Variants in CFAP95 observed in about 807,000 individuals in gnomAD.
The protein encoded by CFAP95 is cilia- and flagella-associated protein 95.
chr9:69,897,400 T>C, the CFAP95 span, among the ~76,000 whole-genome samples: 3 of 152,222 alleles, frequency 2.0e-5, no homozygotes, highest in Admixed American at 6.5e-5. Flanking sequence ...TAAACCATTA[T>C]GCATTTTTAT....
the CFAP95 span, among the ~76,000 whole-genome samples, chr9:69,897,585 T>A: frequency 6.6e-6 from 1 of 151,756 alleles, no homozygotes; most frequent in Non-Finnish European, 1.5e-5. Flanking sequence ...TATGAATGAG[T>A]AGAACCAAGG....
At chr9:69,852,313 GCCAAC>G in the CFAP95 span, among the ~76,000 whole-genome samples, 1 of 152,146 alleles carries the variant, frequency 6.6e-6, no homozygotes, top group African/African-American at 2.4e-5. Flanking sequence ...TAAGTGAGAT[GCCAAC>G]CCACTCATGC....
chr9:69,832,134 G>A, the CFAP95 span, among the ~76,000 whole-genome samples: 17 of 152,172 alleles, frequency 1.1e-4, no homozygotes, highest in Non-Finnish European at 1.6e-4. Context: ...TAAGAACCCC[G>A]AGCTTTCAGA....
chr9:69,905,644 A>T, the CFAP95 span, among the ~76,000 whole-genome samples: 31 of 152,256 alleles, frequency 2.0e-4, no homozygotes, highest in Admixed American at 1.9e-3. Context: ...TTTGGTCTAT[A>T]TATATGATCA....
chr9:69,864,431 C>T, the CFAP95 span, among the ~76,000 whole-genome samples: 2 of 152,016 alleles, frequency 1.3e-5, no homozygotes, highest in South Asian at 2.1e-4. Flanking sequence ...AATAAACCTG[C>T]TACGTGACTG....
At chr9:69,896,155 G>A in the CFAP95 span, among the ~76,000 whole-genome samples, 1 of 152,166 alleles carries the variant, frequency 6.6e-6, no homozygotes, top group Non-Finnish European at 1.5e-5. Flanking sequence ...AGTCCATTAA[G>A]TCATTCCATT....
At chr9:69,870,989 C>T in the CFAP95 span, among the ~76,000 whole-genome samples, 10 of 151,980 alleles carry the variant, frequency 6.6e-5, no homozygotes, top group South Asian at 8.3e-4. Flanking sequence ...GAGGCTGAGG[C>T]GGGAGGATCA....
chr9:69,867,379 G>C, the CFAP95 span, among the ~76,000 whole-genome samples: 1 of 152,186 alleles, frequency 6.6e-6, no homozygotes, highest in Admixed American at 6.5e-5. Context: ...CTTTATTACA[G>C]TAGCCATTCA....
the CFAP95 span, among the ~76,000 whole-genome samples, chr9:69,839,385 G>A: frequency 6.6e-6 from 1 of 151,218 alleles, no homozygotes; most frequent in South Asian, 2.1e-4. Context: ...TGGTTGGTAA[G>A]CTATTGATTA....
At chr9:69,900,543 G>T in the CFAP95 span, among the ~76,000 whole-genome samples, 2 of 152,072 alleles carry the variant, frequency 1.3e-5, no homozygotes, top group African/African-American at 2.4e-5. Flanking sequence ...TTATCCTTGG[G>T]CTTGGTTGGA....
chr9:69,859,977 G>T, the CFAP95 span, among the ~76,000 whole-genome samples: 2 of 152,206 alleles, frequency 1.3e-5, no homozygotes, highest in African/African-American at 4.8e-5. Context: ...TAGGGCACAT[G>T]CCATGCATGT....
At chr9:69,901,782 T>G in the CFAP95 span, among the ~76,000 whole-genome samples, 2 of 152,172 alleles carry the variant, frequency 1.3e-5, no homozygotes, top group African/African-American at 4.8e-5. Context: ...CCACAATGGT[T>G]GAACTAGTTT....
chr9:69,847,647 C>T, the CFAP95 span, among the ~76,000 whole-genome samples: 1 of 152,168 alleles, frequency 6.6e-6, no homozygotes, highest in Admixed American at 6.6e-5. Flanking sequence ...TAACTTCTGT[C>T]CTATTTCCTG....
chr9:69,836,999 C>A, the CFAP95 span, among the ~76,000 whole-genome samples: 1 of 150,476 alleles, frequency 6.6e-6, no homozygotes, highest in Non-Finnish European at 1.5e-5. Flanking sequence ...TCTGTTCTTG[C>A]GATAGTTTAC....
At chr9:69,880,758 C>T in the CFAP95 span, among the ~76,000 whole-genome samples, 3 of 152,196 alleles carry the variant, frequency 2.0e-5, no homozygotes, top group Admixed American at 1.3e-4. Flanking sequence ...AGTGGTTGTA[C>T]TAATTTACAT....
the CFAP95 span, among the ~76,000 whole-genome samples, chr9:69,821,662 C>G: frequency 2.0e-5 from 3 of 152,032 alleles, no homozygotes; most frequent in African/African-American, 7.3e-5. Flanking sequence ...CATACAAGAA[C>G]TTTTCTGGCC....
At chr9:69,878,478 T>G in the CFAP95 span, among the ~76,000 whole-genome samples, 1 of 152,232 alleles carries the variant, frequency 6.6e-6, no homozygotes, top group African/African-American at 2.4e-5. Flanking sequence ...CTGATTTGGC[T>G]CTACGGATTC....
chr9:69,882,009 G>A, the CFAP95 span, among the ~76,000 whole-genome samples: 38 of 143,852 alleles, frequency 2.6e-4, no homozygotes, highest in African/African-American at 5.7e-4. Context: ...TTTTGAGACC[G>A]TCTTGCTCTG....
chr9:69,894,804 G>T, the CFAP95 span, among the ~76,000 whole-genome samples: 1 of 152,158 alleles, frequency 6.6e-6, no homozygotes, highest in South Asian at 2.1e-4. Flanking sequence ...GATCACACCT[G>T]TATTCCCAGT....
Sources: allele counts gnomAD v4.1 joint callset (sites outside exome capture counted in the v4.1 genomes callset), GRCh38; gene constraint gnomAD v4.1.1; transcripts MANE v1.5; gene names NCBI Gene and HGNC (gene_info 2026-07-23, HGNC 2026-07-21).